Variants in ANKRD6 observed in about 807,000 individuals in gnomAD.
ANKRD6 encodes the protein ankyrin repeat domain 6.
In ANKRD6, 56 loss-of-function variants were observed where a neutral mutation model predicts 82.3. That is an observed-to-expected ratio of 0.68 (90% confidence interval 0.55 to 0.85). The LOEUF (loss-of-function observed/expected upper bound fraction) is 0.85, where lower values mean the gene tolerates loss of function less well. ANKRD6 is among the 40% of genes least tolerant of loss of function. The pLI, the probability that ANKRD6 is intolerant of heterozygous loss-of-function variation, is 0.00. For missense variants in ANKRD6, 852 were observed against 907.6 expected, an observed-to-expected ratio of 0.94 and a Z score of 0.79; for synonymous variants, 347 against 352.1, an observed-to-expected ratio of 0.99 and a Z score of 0.16.
At chr6:89,515,507 G>T (rs1267055371) in intron 1 of ANKRD6, among the ~76,000 whole-genome samples, 1 of 152,150 alleles carries the variant, frequency 6.6e-6, no homozygotes, top group African/African-American at 2.4e-5. Context: ...GGTATGGTCG[G>T]CAGGTAAAAT....
intron 1 of ANKRD6, among the ~76,000 whole-genome samples, chr6:89,547,522 A>G (rs1440872363): frequency 1.4e-4 from 21 of 152,120 alleles, no homozygotes; most frequent in Non-Finnish European, 2.4e-4. Context: ...CTGCTCAGCT[A>G]ACTCATGTAG....
At chr6:89,619,543 G>A (rs1802465560) in intron 9 of ANKRD6, 1 of 152,140 alleles carries the variant, frequency 6.6e-6, no homozygotes, top group Admixed American at 6.5e-5. Context: ...ATTTCCCTGT[G>A]CAGTTCTTTT....
intron 2 of ANKRD6, among the ~76,000 whole-genome samples, chr6:89,574,078 G>A (rs1790556947): frequency 6.6e-6 from 1 of 152,230 alleles, no homozygotes; most frequent in Non-Finnish European, 1.5e-5. Context: ...GTGTTTGACA[G>A]AGGAGAAAGG....
chr6:89,545,313 T>C (rs896374372), intron 1 of ANKRD6, among the ~76,000 whole-genome samples: 4 of 151,826 alleles, frequency 2.6e-5, no homozygotes. Context: ...GTCCACCAAA[T>C]GTCCTTATCG....
intron 1 of ANKRD6, among the ~76,000 whole-genome samples, chr6:89,530,752 G>A (rs750747867): frequency 5.2e-4 from 79 of 152,186 alleles, no homozygotes; most frequent in Non-Finnish European, 9.7e-4. Context: ...AAAATGTTCC[G>A]GGAGAAATGG....
chr6:89,444,179 AT>A (rs1403204355), intron 1 of ANKRD6, among the ~76,000 whole-genome samples: 1 of 152,042 alleles, frequency 6.6e-6, no homozygotes, highest in Non-Finnish European at 1.5e-5. Flanking sequence ...TTTGTTTATA[AT>A]TTTCTGAATC....
intron 1 of ANKRD6, among the ~76,000 whole-genome samples, chr6:89,450,845 A>G (rs1772722659): frequency 6.6e-6 from 1 of 152,168 alleles, no homozygotes; most frequent in African/African-American, 2.4e-5. Context: ...TTTCTTTTAG[A>G]CATAATACTA....
chr6:89,439,556 A>G (rs12201016), intron 1 of ANKRD6, among the ~76,000 whole-genome samples: 14,797 of 152,256 alleles, frequency 0.097, 965 homozygotes, highest in Middle Eastern at 0.2. Context: ...AGACCCAGTT[A>G]GAGTCATGGA....
Position 89,443,277 on chromosome 6 carries a change from G to A in ANKRD6, c.-144+9902G>A, listed in dbSNP as rs114883464. Among the ~76,000 whole-genome samples the A allele has an allele frequency of 3.3e-3, 501 of 152,248 alleles. 2 individuals carry two copies. Among genetic ancestry groups the A allele is most frequent in the African/African-American group, 0.012 (479 of 41,542 alleles). On this transcript the variant is annotated intron_variant, in intron 1 of 15. Coordinates refer to ENST00000339746, the MANE Select transcript of ANKRD6 (RefSeq NM_001242809.2). The stretch of plus-strand genomic sequence containing the variant: ...TTGGAATTCTTTGACCCGGGTGGGG[G>A]TGAAGAGGATCCATTCAGTTGGTTG...
chr6:89,437,976 T>C (rs976352036), intron 1 of ANKRD6, among the ~76,000 whole-genome samples: 1 of 152,126 alleles, frequency 6.6e-6, no homozygotes, highest in Admixed American at 6.6e-5. Flanking sequence ...GTATTTTTGG[T>C]AGAGACAGGG....
chr6:89,481,939 G>A (rs1776863272), intron 1 of ANKRD6, among the ~76,000 whole-genome samples: 2 of 152,140 alleles, frequency 1.3e-5, no homozygotes, highest in African/African-American at 4.8e-5. Flanking sequence ...AGGGCAGTGT[G>A]GGTCAAAGCA....
chr6:89,567,178 G>A, intron 2 of ANKRD6, 82 bp downstream of exon 2: 3 of 1,493,100 alleles, frequency 2.0e-6, no homozygotes, highest in Non-Finnish European at 2.7e-6. Flanking sequence ...TGCTGTGTTT[G>A]GTTCACAGCT....
rs565606848 is a variant in ANKRD6, at chr6:89,445,084, GT to G, written c.-144+11714del. On this transcript the variant is annotated intron_variant, in intron 1 of 15. Coordinates refer to ENST00000339746, the MANE Select transcript of ANKRD6 (RefSeq NM_001242809.2). Reference sequence around the variant, plus strand: ...ATTTTATTGCACTTTGCAGATACGTGTTTTTCACGAATTGAAGGCTTGTGGT... The same window carrying G: ...ATTTTATTGCACTTTGCAGATACGTGTTTTCACGAATTGAAGGCTTGTGGT... Among the ~76,000 whole-genome samples the G allele has an allele frequency of 1.6e-3, 236 of 152,178 alleles. 1 individual carries two copies. The highest frequency in any genetic ancestry group is 2.9e-3 in the Non-Finnish European group (197 of 68,010).
chr6:89,541,317 T>C (rs1268185824), intron 1 of ANKRD6, among the ~76,000 whole-genome samples: 3 of 151,826 alleles, frequency 2.0e-5, no homozygotes, highest in African/African-American at 7.2e-5. Context: ...CAGTGTTTTA[T>C]AGTTTTCATT....
At chr6:89,517,057 A>G (rs541674207) in intron 1 of ANKRD6, among the ~76,000 whole-genome samples, 1 of 152,226 alleles carries the variant, frequency 6.6e-6, no homozygotes, top group South Asian at 2.1e-4. Flanking sequence ...TTTAGTATAG[A>G]TGGGGTCTCA....
intron 1 of ANKRD6, among the ~76,000 whole-genome samples, chr6:89,530,325 G>A (rs1192167968): frequency 6.6e-6 from 1 of 151,900 alleles, no homozygotes; most frequent in African/African-American, 2.4e-5. Flanking sequence ...GTGAGCACAT[G>A]TCGTTGGAAA....
chr6:89,515,530 A>G (rs1410123572), intron 1 of ANKRD6, among the ~76,000 whole-genome samples: 6 of 152,210 alleles, frequency 3.9e-5, no homozygotes, highest in Non-Finnish European at 5.9e-5. Context: ...CTGCCCTGCC[A>G]AAGACATACT....
chr6:89,548,477 T>C (rs1785398023), intron 1 of ANKRD6, among the ~76,000 whole-genome samples: 1 of 152,224 alleles, frequency 6.6e-6, no homozygotes, highest in Non-Finnish European at 1.5e-5. Context: ...GTTTGAATAA[T>C]GCTGAAGAGA....
chr6:89,555,788 C>A (rs555751819), intron 1 of ANKRD6, among the ~76,000 whole-genome samples: 33 of 151,926 alleles, frequency 2.2e-4, no homozygotes, highest in Non-Finnish European at 4.1e-4. Context: ...ATTTGTATAT[C>A]TCTGGACTTT....
Sources: allele counts gnomAD v4.1 joint callset (sites outside exome capture counted in the v4.1 genomes callset), GRCh38; gene constraint gnomAD v4.1.1; transcripts MANE v1.5; gene names NCBI Gene and HGNC (gene_info 2026-07-23, HGNC 2026-07-21).